SFXN5: variants seen among roughly 807,000 people sequenced by gnomAD.
SFXN5 encodes sideroflexin 5, also known as sideroflexin-5.
In SFXN5, 43 loss-of-function variants were observed where a neutral mutation model predicts 50.2. That is an observed-to-expected ratio of 0.86 (90% CI 0.67 to 1.11). SFXN5 has a LOEUF of 1.11. Ranked by LOEUF, SFXN5 falls within the 50% of genes least tolerant of loss-of-function variation. The probability of loss-of-function intolerance (pLI) is 0.00; values close to 1 mark genes in which losing one functional copy is unlikely to be tolerated. For missense variants in SFXN5, 463 were observed against 454.1 expected (o/e 1.02, Z -0.18); for synonymous variants, 203 against 185.8 (o/e 1.09, Z -0.75).
At chr2:73,036,349 G>T (rs898334436) in intron 3 of SFXN5, among the ~76,000 whole-genome samples, 2 of 152,180 alleles carry the variant, frequency 1.3e-5, no homozygotes, top group African/African-American at 2.4e-5. Flanking sequence ...CCAGGAGGCT[G>T]GGGGAAGGGA....
chr2:73,034,060 G>A (rs1370588596), intron 3 of SFXN5, among the ~76,000 whole-genome samples: 1 of 152,202 alleles, frequency 6.6e-6, no homozygotes, highest in African/African-American at 2.4e-5. Flanking sequence ...TCTGTGTGCT[G>A]TATCAGCAAT....
At chr2:73,065,844 C>T (rs1464755602) in intron 1 of SFXN5, among the ~76,000 whole-genome samples, 4 of 152,156 alleles carry the variant, frequency 2.6e-5, no homozygotes, top group Non-Finnish European at 4.4e-5. Flanking sequence ...CATGAGCCAC[C>T]GCGCCTGGTC....
intron 12 of SFXN5, 147 bp downstream of exon 12, chr2:72,968,301 A>G (rs13429298): frequency 4.4e-6 from 3 of 685,138 alleles, no homozygotes; most frequent in Non-Finnish European, 7.6e-6. Context: ...GGAAAGTCCA[A>G]GATGGAGCAA....
chr2:72,970,845 G>A (rs1338727691), intron 11 of SFXN5, among the ~76,000 whole-genome samples: 2 of 152,036 alleles, frequency 1.3e-5, no homozygotes, highest in Admixed American at 6.6e-5. Context: ...CCGCCACCAC[G>A]CCTGGCTAAT....
At chr2:73,052,567 G>A (rs1189555580) in intron 2 of SFXN5, among the ~76,000 whole-genome samples, 5 of 141,124 alleles carry the variant, frequency 3.5e-5, no homozygotes, top group Non-Finnish European at 7.4e-5. Context: ...ATTGTGACAC[G>A]AGTTCTAGTA....
At chr2:73,035,724 T>G (rs1678888200) in intron 3 of SFXN5, among the ~76,000 whole-genome samples, 1 of 152,122 alleles carries the variant, frequency 6.6e-6, no homozygotes, top group South Asian at 2.1e-4. Flanking sequence ...GGTCTCGAAC[T>G]CCTGACTTTA....
intron 12 of SFXN5, among the ~76,000 whole-genome samples, chr2:72,963,512 G>C (rs1462517943): frequency 6.6e-6 from 1 of 151,738 alleles, no homozygotes; most frequent in East Asian, 1.9e-4. Context: ...GCAGGCCTGA[G>C]AGCGAACACA....
chr2:73,023,336 G>A (rs377036488), intron 3 of SFXN5, 122 bp from the exon 4 acceptor site: 2 of 986,576 alleles, frequency 2.0e-6, no homozygotes, highest in Non-Finnish European at 1.5e-6. Flanking sequence ...AAAGAAGCTC[G>A]GGCTATCCTT....
chr2:73,052,051 C>T (rs1485271836), intron 2 of SFXN5, among the ~76,000 whole-genome samples: 1 of 152,010 alleles, frequency 6.6e-6, no homozygotes, highest in Non-Finnish European at 1.5e-5. Context: ...CAATCCATTG[C>T]TGTTTTTCTT....
At chr2:72,989,941 G>A (rs970214162) in intron 9 of SFXN5, among the ~76,000 whole-genome samples, 1 of 152,308 alleles carries the variant, frequency 6.6e-6, no homozygotes, top group South Asian at 2.1e-4. Context: ...CACGCCTGGC[G>A]GCTCAGCAGC....
intron 7 of SFXN5, 86 bp from the exon 8 acceptor site, chr2:73,000,573 CA>C: frequency 7.9e-7 from 1 of 1,264,472 alleles, no homozygotes; most frequent in South Asian, 1.3e-5. Context: ...CACACATCCC[CA>C]GAAAGGCACA....
rs534216432 is a variant in SFXN5 at position 73,006,511 on chromosome 2, A to G, written c.358-4933T>C. 3.0e-4 allele frequency among the ~76,000 whole-genome samples: 45 copies of G among 152,186 alleles called. 1 individual carries two copies. In the South Asian group the frequency reaches 6.9e-3, roughly 23 times the overall value. ...GTGGCAGGTGACTATAATCCCAGCT[A>G]CTTGGGAGGCTGAGGCACACGAACT... On this transcript the variant is annotated intron_variant, in intron 6 of 13. Coordinates refer to ENST00000272433, the MANE Select transcript of SFXN5 (RefSeq NM_144579.3).
At chr2:73,011,776 T>C (rs1172297931) in intron 6 of SFXN5, among the ~76,000 whole-genome samples, 4 of 152,236 alleles carry the variant, frequency 2.6e-5, no homozygotes, top group Non-Finnish European at 5.9e-5. Flanking sequence ...AATACTAGTG[T>C]TACAAAAGCA....
rs147712859 is a variant in SFXN5, at chr2:73,036,957, G to C, written c.249+3897C>G. ...TCAGCACGCAGTGCACACGCCTTCA[G>C]ATGGGCCCCATGTAAGCAGGCACTG... On this transcript the variant is annotated intron_variant, in intron 3 of 13. Transcript: ENST00000272433. 6.3e-3 allele frequency among the ~76,000 whole-genome samples: 955 copies of C among 152,346 alleles called. 16 individuals are homozygous for C. Among genetic ancestry groups the C allele is most frequent in the Non-Finnish European group, 5.5e-3 (376 of 68,028 alleles).
At chr2:73,001,664 G>T in intron 6 of SFXN5, 86 bp from the exon 7 acceptor site, 1 of 1,292,450 alleles carries the variant, frequency 7.7e-7, no homozygotes. Context: ...CCACAAATGA[G>T]TGAGCTGGAT....
At chr2:73,040,734 T>G (rs1455354427) in intron 3 of SFXN5, 120 bp downstream of exon 3, 1 of 710,000 alleles carries the variant, frequency 1.4e-6, no homozygotes, top group African/African-American at 1.8e-5. Context: ...CACAGGGGTA[T>G]GTACCAGCAG....
intron 10 of SFXN5, among the ~76,000 whole-genome samples, chr2:72,977,098 G>A (rs1033475004): frequency 6.6e-6 from 1 of 152,192 alleles, no homozygotes; most frequent in Non-Finnish European, 1.5e-5. Context: ...CATCTAAGAA[G>A]GGTTGAGAGG....
At chr2:73,022,668 C>A in intron 4 of SFXN5, 92 bp from the exon 5 acceptor site, 1 of 757,456 alleles carries the variant, frequency 1.3e-6, no homozygotes, top group South Asian at 1.5e-5. Flanking sequence ...AAAGCAGAGG[C>A]ATTAGGGGAG....
chr2:73,035,194 G>A (rs2105900472), intron 3 of SFXN5, among the ~76,000 whole-genome samples: 1 of 152,310 alleles, frequency 6.6e-6, no homozygotes, highest in South Asian at 2.1e-4. Flanking sequence ...GCAGCGAGCG[G>A]TGGCTCACCA....
Sources: gnomAD v4.1 joint callset for allele counts (sites outside exome capture counted in the v4.1 genomes callset) on GRCh38, gnomAD v4.1.1 for gene constraint, MANE v1.5 for transcripts, NCBI Gene and HGNC (gene_info 2026-07-23, HGNC 2026-07-21) for gene names.